Variants in STPG1 observed in about 807,000 individuals in gnomAD.
The protein encoded by STPG1 is sperm tail PG-rich repeat containing 1.
A neutral mutation model predicts 40.1 loss-of-function variants in STPG1; 33 were observed. That is an observed-to-expected ratio of 0.82 (90% confidence interval 0.62 to 1.10). The LOEUF (loss-of-function observed/expected upper bound fraction) is 1.10, where lower values mean the gene tolerates loss of function less well. STPG1 is among the 50% of genes least tolerant of loss of function. The probability of loss-of-function intolerance (pLI) is 0.00; values close to 1 mark genes in which losing one functional copy is unlikely to be tolerated. For synonymous variants in STPG1, 150 were observed against 155.0 expected, an observed-to-expected ratio of 0.97 and a Z score of 0.24; for missense variants, 396 against 415.1, an observed-to-expected ratio of 0.95 and a Z score of 0.40.
intron 1 of STPG1, among the ~76,000 whole-genome samples, chr1:24,408,468 G>T (rs1270138530): frequency 6.6e-6 from 1 of 152,112 alleles, no homozygotes; most frequent in Admixed American, 6.5e-5. Flanking sequence ...TTCCTTTAGG[G>T]TTCTCCCTAT....
At chr1:24,361,299 C>T (rs1395426820) in intron 7 of STPG1, among the ~76,000 whole-genome samples, 2 of 152,162 alleles carry the variant, frequency 1.3e-5, no homozygotes, top group Non-Finnish European at 2.9e-5. Context: ...ACCTAAAACA[C>T]AGTACTCAGG....
At chr1:24,392,123 C>T in intron 2 of STPG1, 1 of 982,578 alleles carries the variant, frequency 1.0e-6, no homozygotes, top group Non-Finnish European at 1.2e-6. Context: ...AGGGAAATCC[C>T]AGCCTGGGGC....
At position 24,401,440 on chromosome 1, in the gene STPG1, C is replaced by A; in HGVS notation, c.-52G>T. ...ATTTGTTTGATGAAAAGTTCTACTG[C>A]ATGTTCTCCTAAGCACCTGAAACAG... On this transcript the variant is annotated 5_prime_UTR_variant, in exon 2 of 9. The change abolishes an upstream ATG in the 5' untranslated region. Transcript: ENST00000337248. The A allele has an allele frequency of 6.6e-7, 1 of 1,520,074 alleles. No individual in the cohort carries two copies. The highest frequency in any genetic ancestry group is 9.1e-7 in the Non-Finnish European group (1 of 1,097,440). 94.2% of individuals were successfully genotyped at this position (1,520,074 alleles called of 1,614,324 possible). A position where few individuals can be genotyped will look rare whatever the true frequency, so the allele number is the denominator to read the frequency against.
Position 24,379,816 on chromosome 1 carries a change from C to T in STPG1, c.299G>A (p.Arg100Gln), listed in dbSNP as rs147041081. Residue 100 changes from arginine (R) to glutamine (Q), a missense_variant, in exon 5 of 9, where the codon CGA becomes CAA. By Grantham distance (43) the Arg-to-Gln change is conservative. Coordinates refer to ENST00000337248, the MANE Select transcript of STPG1 (RefSeq NM_001199013.2). Reference sequence around the variant, plus strand: ...GTATTTAGAAATGATGGTGTCCAATCGGGCGCACTGTAAGGAGACAACCAA... The same window carrying T: ...GTATTTAGAAATGATGGTGTCCAATTGGGCGCACTGTAAGGAGACAACCAA... ...GTCMFPSMCA[R>Q]LDTIISKYPA... The T allele has an allele frequency of 4.1e-5, 66 of 1,613,824 alleles. No individual in the cohort carries two copies. The highest frequency in any genetic ancestry group is 3.3e-4 in the African/African-American group (25 of 75,026).
At chr1:24,372,068 C>G (rs1236689146) in intron 6 of STPG1, among the ~76,000 whole-genome samples, 1 of 152,004 alleles carries the variant, frequency 6.6e-6, no homozygotes, top group African/African-American at 2.4e-5. Context: ...ATCCCAGCTA[C>G]TTGGGAGGCT....
At chr1:24,375,578 A>G (rs1385675674) in intron 5 of STPG1, among the ~76,000 whole-genome samples, 4 of 152,104 alleles carry the variant, frequency 2.6e-5, no homozygotes, top group East Asian at 1.9e-4. Flanking sequence ...AGAGAAGGTA[A>G]TAACACATTA....
intron 3 of STPG1, among the ~76,000 whole-genome samples, chr1:24,389,696 A>G (rs1049132826): frequency 2.7e-4 from 41 of 152,182 alleles, no homozygotes; most frequent in African/African-American, 9.9e-4. Context: ...TTTTTATCGG[A>G]GGCTGGGCTG....
chr1:24,383,839 T>A, intron 4 of STPG1, 63 bp downstream of exon 4: 1 of 1,038,714 alleles, frequency 9.6e-7, no homozygotes, highest in Non-Finnish European at 1.5e-6. Flanking sequence ...AATATATAAT[T>A]ATGCAATGAA....
At chr1:24,390,302 A>G (rs1270249114) in intron 3 of STPG1, among the ~76,000 whole-genome samples, 1 of 152,230 alleles carries the variant, frequency 6.6e-6, no homozygotes, top group Non-Finnish European at 1.5e-5. Context: ...CAAAGATTAA[A>G]TAAGGACCGG....
At position 24,379,713 on chromosome 1, in the gene STPG1, G is replaced by C; in HGVS notation, c.402C>G (p.Phe134Leu). 1 of 1,614,172 alleles carries C rather than the reference G, an allele frequency of 6.2e-7. No individual in the cohort carries two copies. The highest frequency in any genetic ancestry group is 8.5e-7 in the Non-Finnish European group (1 of 1,180,020). ...RDFSNSCSSMFQLPSFMKALK... is the reference protein window; with the variant it reads ...RDFSNSCSSMLQLPSFMKALK... ...GAGCTTTCATAAAGCTTGGCAACTG[G>C]AACATGCTGGAACACGAATTACTAA... Residue 134 changes from phenylalanine to leucine, a missense_variant, in exon 5 of 9, where the codon TTC becomes TTG. Transcript: ENST00000337248.
At chr1:24,410,044 G>A (rs1313009601) in intron 1 of STPG1, among the ~76,000 whole-genome samples, 1 of 152,182 alleles carries the variant, frequency 6.6e-6, no homozygotes, top group Non-Finnish European at 1.5e-5. Context: ...GCTAGTTTTG[G>A]TGCTTCACCT....
intron 3 of STPG1, among the ~76,000 whole-genome samples, chr1:24,385,853 A>T (rs1454440526): frequency 6.6e-6 from 1 of 152,222 alleles, no homozygotes; most frequent in Non-Finnish European, 1.5e-5. Context: ...TTGTAAGTCC[A>T]AGGTGTTGGG....
intron 7 of STPG1, among the ~76,000 whole-genome samples, chr1:24,366,304 G>A (rs1221805236): frequency 6.6e-6 from 1 of 152,162 alleles, no homozygotes; most frequent in Admixed American, 6.5e-5. Context: ...CCTAAGGGAA[G>A]GTGCATGCAG....
At chr1:24,384,286 A>C (rs2148699377) in intron 3 of STPG1, among the ~76,000 whole-genome samples, 1 of 152,326 alleles carries the variant, frequency 6.6e-6, no homozygotes, top group East Asian at 1.9e-4. Context: ...TGTTTTTTCA[A>C]GTCATTAGAG....
chr1:24,407,626 C>T (rs981446789), intron 1 of STPG1, among the ~76,000 whole-genome samples: 21 of 151,932 alleles, frequency 1.4e-4, no homozygotes, highest in African/African-American at 3.6e-4. Flanking sequence ...TTAGTAGACA[C>T]GGGGTTTCAC....
chr1:24,389,422 C>A (rs1642660820), intron 3 of STPG1, among the ~76,000 whole-genome samples: 2 of 152,094 alleles, frequency 1.3e-5, no homozygotes, highest in African/African-American at 4.8e-5. Context: ...GTGGAAAGAG[C>A]AAGAGGCTTT....
chr1:24,364,209 C>T (rs1054623536), intron 7 of STPG1: 4 of 1,540,262 alleles, frequency 2.6e-6, no homozygotes, highest in Non-Finnish European at 3.5e-6. Flanking sequence ...TCCACCCACG[C>T]CTGTCTCGCC....
intron 6 of STPG1, among the ~76,000 whole-genome samples, chr1:24,371,436 A>T (rs749741838): frequency 1.8e-4 from 27 of 152,024 alleles, no homozygotes; most frequent in South Asian, 4.2e-4. Context: ...AAAAATATTT[A>T]AAAAATTAGC....
intron 4 of STPG1, among the ~76,000 whole-genome samples, chr1:24,383,676 T>G (rs565665703): frequency 6.6e-6 from 1 of 152,330 alleles, no homozygotes; most frequent in Admixed American, 6.5e-5. Context: ...GTTCTCAAGA[T>G]TCCTCTGGCT....
Sources: allele counts gnomAD v4.1 joint callset (sites outside exome capture counted in the v4.1 genomes callset), GRCh38; gene constraint gnomAD v4.1.1; transcripts MANE v1.5; gene names NCBI Gene and HGNC (gene_info 2026-07-23, HGNC 2026-07-21).